Variants in OXSR1 observed in about 807,000 individuals in gnomAD.
OXSR1 encodes serine/threonine-protein kinase OSR1.
In OXSR1, 24 loss-of-function variants were observed where a neutral mutation model predicts 79.8. The ratio of observed to expected loss-of-function variants is 0.30; its 90% CI spans 0.22 to 0.42. The LOEUF is 0.42. Among genes scored for constraint, OXSR1 ranks in the 10% least tolerant of loss-of-function variants. The pLI is 1.00. For missense variants in OXSR1, 430 were observed against 618.4 expected, an observed-to-expected ratio of 0.70 and a Z score of 3.23; for synonymous variants, 226 against 209.2, an observed-to-expected ratio of 1.08 and a Z score of -0.69.
chr3:38,243,471 A>T (rs1345256605), intron 12 of OXSR1, among the ~76,000 whole-genome samples: 1 of 152,154 alleles, frequency 6.6e-6, no homozygotes, highest in East Asian at 1.9e-4. Flanking sequence ...TATGATAGGA[A>T]ATCTTGTTAA....
At chr3:38,193,557 C>T (rs976789952) in intron 3 of OXSR1, 1 of 435,740 alleles carries the variant, frequency 2.3e-6, no homozygotes, top group Non-Finnish European at 4.2e-6. Context: ...CTGCTTAATT[C>T]TCTCGTCCAT....
intron 3 of OXSR1, among the ~76,000 whole-genome samples, chr3:38,195,391 T>C (rs1448845210): frequency 6.6e-6 from 1 of 152,240 alleles, no homozygotes; most frequent in East Asian, 1.9e-4. Context: ...AAATGTCTGA[T>C]ACTAATAGTG....
intron 3 of OXSR1, 149 bp from the exon 4 acceptor site, chr3:38,198,573 A>G (rs1009068932): frequency 3.1e-5 from 17 of 540,622 alleles, no homozygotes; most frequent in Admixed American, 6.5e-5. Flanking sequence ...ATTAATTTTA[A>G]ACTTCTGTAT....
At chr3:38,232,054 C>T (rs1441917509) in intron 10 of OXSR1, among the ~76,000 whole-genome samples, 1 of 152,114 alleles carries the variant, frequency 6.6e-6, no homozygotes, top group Non-Finnish European at 1.5e-5. Context: ...TTGCAGTGAG[C>T]TGAGATTGTG....
At chr3:38,248,802 G>A (rs149576806) in intron 14 of OXSR1, among the ~76,000 whole-genome samples, 1 of 152,278 alleles carries the variant, frequency 6.6e-6, no homozygotes, top group East Asian at 1.9e-4. Flanking sequence ...ACTTCATGCT[G>A]TTTTAAATCT....
intron 7 of OXSR1, 94 bp from the exon 8 acceptor site, chr3:38,224,477 T>G (rs116288865): frequency 2.3e-6 from 2 of 872,946 alleles, no homozygotes; most frequent in Non-Finnish European, 3.6e-6. Context: ...GTTTGTATGT[T>G]GGTCGGGGGG....
chr3:38,217,679 C>T (rs1053998506), intron 5 of OXSR1, among the ~76,000 whole-genome samples: 2 of 151,978 alleles, frequency 1.3e-5, no homozygotes, highest in African/African-American at 2.4e-5. Flanking sequence ...AGGCGTGCAC[C>T]CCTCCACCGA....
In OXSR1 at chr3:38,204,076, C is replaced by T. The variant is rs9838003; in HGVS notation, c.434+5213C>T. Among the ~76,000 whole-genome samples, 181 of 152,278 alleles carry T rather than the reference C, an allele frequency of 1.2e-3. 1 individual carries two copies. In the Middle Eastern group the frequency reaches 0.017, roughly 14 times the overall value. ...ACAGGGTCCTTCCCACTCTTCCCCC[C>T]CCTTTCCACAAGTAGAGGAGTCTCT... On this transcript the variant is annotated intron_variant, in intron 4 of 17. Coordinates refer to ENST00000311806, the MANE Select transcript of OXSR1 (RefSeq NM_005109.3).
At chr3:38,205,610 C>T (rs1481295047) in intron 4 of OXSR1, among the ~76,000 whole-genome samples, 1 of 152,186 alleles carries the variant, frequency 6.6e-6, no homozygotes, top group Non-Finnish European at 1.5e-5. Flanking sequence ...TGACCTTCTC[C>T]TGCTGGTCCG....
At chr3:38,178,168 C>G (rs1022215181) in intron 1 of OXSR1, among the ~76,000 whole-genome samples, 1 of 152,156 alleles carries the variant, frequency 6.6e-6, no homozygotes, top group African/African-American at 2.4e-5. Context: ...CCAGGCTGGT[C>G]TCGAACTCCT....
At chr3:38,171,196 T>C (rs895643630) in intron 1 of OXSR1, among the ~76,000 whole-genome samples, 8 of 152,204 alleles carry the variant, frequency 5.3e-5, no homozygotes, top group African/African-American at 1.9e-4. Context: ...AAAAAAATTT[T>C]TTTTCTTTGA....
chr3:38,252,249 A>G, intron 16 of OXSR1, 79 bp from the exon 17 acceptor site: 1 of 981,284 alleles, frequency 1.0e-6, no homozygotes, highest in Non-Finnish European at 1.7e-6. Context: ...CTTAACTACC[A>G]TTTAAGCTTT....
chr3:38,208,957 G>GGA lies in OXSR1; in HGVS notation c.435-7137_435-7136dup, dbSNP rs1553635609. The stretch of plus-strand genomic sequence containing the variant: ...GTTATTCTAAGAGTAACCCAGTTAA[G>GGA]GAGTGTGTGTGTGTGTGTGTGTGTG... On this transcript the variant is annotated intron_variant, in intron 4 of 17. Transcript: ENST00000311806. Among the ~76,000 whole-genome samples, 13 of 102,152 alleles carry GGA rather than the reference G, an allele frequency of 1.3e-4. No homozygotes were observed. The South Asian group carries it at 4.7e-3, about 37-fold the overall frequency. The allele number at this position is 102,152 out of a possible 152,430, so 67.0% of individuals were successfully genotyped here.
chr3:38,173,334 A>G (rs990815835), intron 1 of OXSR1, among the ~76,000 whole-genome samples: 1 of 152,198 alleles, frequency 6.6e-6, no homozygotes, highest in Non-Finnish European at 1.5e-5. Flanking sequence ...ATGCATAGTA[A>G]TCAGTTAATA....
At chr3:38,227,795 A>C in intron 8 of OXSR1, among the ~76,000 whole-genome samples, 1 of 152,142 alleles carries the variant, frequency 6.6e-6, no homozygotes, top group Non-Finnish European at 1.5e-5. Context: ...GACACGAAGC[A>C]AAGACAAACT....
intron 2 of OXSR1, among the ~76,000 whole-genome samples, chr3:38,186,566 T>C (rs1172305344): frequency 1.3e-5 from 2 of 152,234 alleles, no homozygotes; most frequent in Non-Finnish European, 2.9e-5. Context: ...TCATACAATA[T>C]GTGGCCTTTT....
chr3:38,171,639 A>G (rs890846441), intron 1 of OXSR1, among the ~76,000 whole-genome samples: 1 of 151,934 alleles, frequency 6.6e-6, no homozygotes, highest in Non-Finnish European at 1.5e-5. Context: ...AACATATTAA[A>G]AGCCTATAGA....
intron 2 of OXSR1, among the ~76,000 whole-genome samples, chr3:38,183,872 A>C (rs1701831778): frequency 6.6e-6 from 1 of 152,220 alleles, no homozygotes; most frequent in African/African-American, 2.4e-5. Flanking sequence ...AAGGGAAATT[A>C]GTTTTTAAAA....
At chr3:38,218,362 A>T (rs1009172692) in intron 5 of OXSR1, among the ~76,000 whole-genome samples, 9 of 151,784 alleles carry the variant, frequency 5.9e-5, no homozygotes, top group African/African-American at 1.9e-4. Context: ...ATTCTAAGGG[A>T]TGTAAGGTGT....
Sources: allele counts gnomAD v4.1 joint callset (sites outside exome capture counted in the v4.1 genomes callset), GRCh38; gene constraint gnomAD v4.1.1; transcripts MANE v1.5; gene names NCBI Gene and HGNC (gene_info 2026-07-23, HGNC 2026-07-21).